Variants in MARCO observed in about 807,000 individuals in gnomAD.
MARCO encodes the protein macrophage receptor with collagenous structure.
MARCO carries 72 observed loss-of-function variants against 70.0 expected under a neutral mutation model. That is an observed-to-expected ratio of 1.03 (90% CI 0.85 to 1.25). The LOEUF is 1.25. Among genes scored for constraint, MARCO ranks in the 50% most tolerant of loss-of-function variants. The pLI, the probability that MARCO is intolerant of heterozygous loss-of-function variation, is 0.00. For missense variants in MARCO, 696 were observed against 659.3 expected, an observed-to-expected ratio of 1.06 and a Z score of -0.61; for synonymous variants, 273 against 243.1, an observed-to-expected ratio of 1.12 and a Z score of -1.14.
chr2:118,994,314 C>A, intron 16 of MARCO, 73 bp from the exon 17 acceptor site: 3 of 1,553,980 alleles, frequency 1.9e-6, no homozygotes, highest in South Asian at 2.2e-5. Context: ...AGCTCCCAGG[C>A]GCACACGTGG....
rs759198550 is a variant in MARCO, at chr2:118,977,944, C to G, written c.766+9C>G. ...AGACCTGGGTCTCCCAGGTGAGGGCCGTATTGGGGGTGTCGGTGCTTGCCA... is the reference window on the plus strand; with the variant it reads ...AGACCTGGGTCTCCCAGGTGAGGGCGGTATTGGGGGTGTCGGTGCTTGCCA... On this transcript the variant is annotated intron_variant, in intron 8 of 16. Coordinates refer to ENST00000327097, the MANE Select transcript of MARCO (RefSeq NM_006770.4). 6 of 1,575,150 alleles carry G rather than the reference C, an allele frequency of 3.8e-6. No homozygotes were observed. The Admixed American group carries it at 7.0e-5, about 18-fold the overall frequency.
chr2:118,989,366 C>T (rs540136187), intron 12 of MARCO, among the ~76,000 whole-genome samples: 1 of 152,148 alleles, frequency 6.6e-6, no homozygotes, highest in Non-Finnish European at 1.5e-5. Flanking sequence ...TTCCCTAACA[C>T]GAGGAACAGA....
chr2:118,979,685 G>A (rs1680353233), intron 8 of MARCO, among the ~76,000 whole-genome samples: 1 of 152,166 alleles, frequency 6.6e-6, no homozygotes, highest in Non-Finnish European at 1.5e-5. Context: ...GGGAAAGGCA[G>A]CAGTTTGAGT....
rs1182999648 is a variant in MARCO at position 118,967,436 on chromosome 2, G to A, written c.98-1724G>A. ...TGGCCAGACGGGCTTCAGGTGCCAG[G>A]TTGGGAGCAGTGAGCCCCCACTGAA... On this transcript the variant is annotated intron_variant, in intron 1 of 16. Coordinates refer to ENST00000327097, the MANE Select transcript of MARCO (RefSeq NM_006770.4). Among the ~76,000 whole-genome samples the A allele has an allele frequency of 2.6e-5, 4 of 152,144 alleles. No individual in the cohort carries two copies. In the East Asian group the frequency reaches 7.7e-4, roughly 29 times the overall value.
intron 16 of MARCO, among the ~76,000 whole-genome samples, chr2:118,993,854 C>T (rs757897863): frequency 1.3e-5 from 2 of 152,212 alleles, no homozygotes; most frequent in Non-Finnish European, 2.9e-5. Flanking sequence ...GCCAAAAGTT[C>T]AAGCCTTGAG....
intron 1 of MARCO, chr2:118,949,320 G>A (rs1225599943): frequency 6.6e-6 from 1 of 152,174 alleles, no homozygotes; most frequent in African/African-American, 2.4e-5. Flanking sequence ...AGTGCAAACA[G>A]AATATTTAAT....
At chr2:118,960,061 C>T (rs1022675299) in intron 1 of MARCO, among the ~76,000 whole-genome samples, 2 of 151,828 alleles carry the variant, frequency 1.3e-5, no homozygotes, top group Admixed American at 1.3e-4. Context: ...CACTAAACAA[C>T]TTCCTCATGT....
At position 118,994,418 on chromosome 2, in the gene MARCO, G is replaced by A. The variant is rs1280670627; in HGVS notation, c.1461G>A (p.Gln487=). 6.2e-7 allele frequency: 1 copy of A among 1,614,208 alleles called. No individual in the cohort carries two copies. Residue 487 remains glutamine, a synonymous_variant, in exon 17 of 17, where the codon CAG becomes CAA. Transcript: ENST00000327097. ...GGCAGATCTGGCTGGATAATGTTCA[G>A]TGTCGGGGCACGGAGAGTACCCTGT... ...GTGQIWLDNV[Q]CRGTESTLWS...
chr2:118,950,845 C>T (rs755404737), intron 1 of MARCO, among the ~76,000 whole-genome samples: 2 of 151,620 alleles, frequency 1.3e-5, no homozygotes, highest in Non-Finnish European at 2.9e-5. Context: ...CCAAAGTGAA[C>T]TTCCTTCATG....
At chr2:118,989,533 C>A (rs1362333516) in intron 12 of MARCO, among the ~76,000 whole-genome samples, 2 of 152,306 alleles carry the variant, frequency 1.3e-5, no homozygotes, top group African/African-American at 2.4e-5. Context: ...CACAACTTCT[C>A]TTGCTCGTTA....
At chr2:118,972,641 T>C (rs1680194858) in intron 4 of MARCO, among the ~76,000 whole-genome samples, 1 of 152,226 alleles carries the variant, frequency 6.6e-6, no homozygotes, top group Non-Finnish European at 1.5e-5. Flanking sequence ...AAGTACTCAA[T>C]GATGTTCTTG....
chr2:118,977,397 G>C, intron 6 of MARCO, 74 bp from the exon 7 acceptor site: 1 of 1,213,476 alleles, frequency 8.2e-7, no homozygotes. Context: ...AGGGAATCTA[G>C]AATGTCAGCT....
chr2:118,986,065 C>T (rs1403477199), intron 12 of MARCO, among the ~76,000 whole-genome samples: 1 of 152,144 alleles, frequency 6.6e-6, no homozygotes, highest in African/African-American at 2.4e-5. Context: ...TATCTAAGTT[C>T]TGAGATAGTC....
chr2:118,967,592 G>A (rs1477931268), intron 1 of MARCO, among the ~76,000 whole-genome samples: 5 of 151,988 alleles, frequency 3.3e-5, no homozygotes, highest in Non-Finnish European at 7.4e-5. Flanking sequence ...GAGTATAATC[G>A]AGTACCACTA....
Position 118,942,382 on chromosome 2 carries a change from C to T in MARCO, c.82C>T (p.Pro28Ser). The T allele has an allele frequency of 6.2e-7, 1 of 1,612,660 alleles. No homozygotes were observed. The highest frequency in any genetic ancestry group is 8.5e-7 in the Non-Finnish European group (1 of 1,178,796). ...TGCTTTTCACCAAATTGCAATGGAGCCTTTCGAAATCAATGGTAAAGTACG... is the reference window on the plus strand; with the variant it reads ...TGCTTTTCACCAAATTGCAATGGAGTCTTTCGAAATCAATGGTAAAGTACG... ...QAAFHQIAMEPFEINVPKPKR... is the reference protein window; with the variant it reads ...QAAFHQIAMESFEINVPKPKR... Residue 28 changes from proline (P) to serine (S), a missense_variant, in exon 1 of 17, where the codon CCT becomes TCT. By Grantham distance (74) the Pro-to-Ser change is moderately conservative (BLOSUM62 -1). Around this residue, in one of 3 missense-constraint regions of MARCO, gnomAD observed 605 missense variants for 537.6 expected, o/e 1.13. Coordinates refer to ENST00000327097, the MANE Select transcript of MARCO (RefSeq NM_006770.4).
intron 1 of MARCO, among the ~76,000 whole-genome samples, chr2:118,959,951 T>C (rs1267450695): frequency 6.6e-6 from 1 of 151,850 alleles, no homozygotes; most frequent in Non-Finnish European, 1.5e-5. Context: ...CTTTGGGGAC[T>C]TGGAGGGAAG....
At chr2:118,981,202 C>T (rs1680381331) in intron 8 of MARCO, among the ~76,000 whole-genome samples, 1 of 152,040 alleles carries the variant, frequency 6.6e-6, no homozygotes, top group Admixed American at 6.6e-5. Flanking sequence ...ATCACCTCAC[C>T]AAATTTTCAT....
intron 12 of MARCO, among the ~76,000 whole-genome samples, chr2:118,986,956 G>A (rs533170937): frequency 2.0e-4 from 30 of 152,108 alleles, no homozygotes; most frequent in South Asian, 8.3e-4. Flanking sequence ...TTTCTGTGGC[G>A]TGCAAGCAGT....
chr2:118,968,559 C>T (rs1469343130), intron 1 of MARCO, among the ~76,000 whole-genome samples: 1 of 152,154 alleles, frequency 6.6e-6, no homozygotes, highest in Non-Finnish European at 1.5e-5. Flanking sequence ...GAGATTATCT[C>T]ATCGGGTTAG....
Sources: allele counts gnomAD v4.1 joint callset (sites outside exome capture counted in the v4.1 genomes callset), GRCh38; gene constraint gnomAD v4.1.1; regional missense constraint gnomAD v4.1.1; transcripts MANE v1.5; gene names NCBI Gene and HGNC (gene_info 2026-07-23, HGNC 2026-07-21).